Variants in SMARCA4 observed in about 807,000 individuals in gnomAD.
SMARCA4 encodes SWI/SNF related BAF chromatin remodeling complex subunit ATPase 4, also known as SWI/SNF-related matrix-associated actin-dependent regulator of chromatin subfamily A member 4.
A neutral mutation model predicts 193.9 loss-of-function variants in SMARCA4; 31 were observed. The observed-to-expected ratio is 0.16, with a 90% confidence interval of 0.12 to 0.22. SMARCA4 has a LOEUF of 0.22. Ranked by LOEUF, SMARCA4 falls within the 10% of genes least tolerant of loss-of-function variation. SMARCA4 has a pLI of 1.00. For missense variants in SMARCA4, 1,148 were observed against 2,296.0 expected (o/e 0.50, Z 10.22); for synonymous variants, 942 against 933.1 (o/e 1.01, Z -0.17).
At chr19:11,053,732 A>G (rs1258150523) in intron 30 of SMARCA4, among the ~76,000 whole-genome samples, 1 of 152,128 alleles carries the variant, frequency 6.6e-6, no homozygotes, top group Non-Finnish European at 1.5e-5. Context: ...CAACCTAGTG[A>G]GACCCCATCT....
intron 1 of SMARCA4, among the ~76,000 whole-genome samples, chr19:10,965,108 G>A (rs2084112418): frequency 6.6e-6 from 1 of 152,154 alleles, no homozygotes; most frequent in African/African-American, 2.4e-5. Flanking sequence ...TGTGAATAGT[G>A]CCCCCTGGAG....
rs2147095368 is a variant in SMARCA4 at position 11,058,750 on chromosome 19, G to A, written c.4534-38G>A. On this transcript the variant is annotated intron_variant, in intron 31 of 34. Transcript: ENST00000344626. The surrounding 1 kb of genome is among the most constrained non-coding windows in gnomAD (Gnocchi z 5.8). ...CCAGGCCTGCGGGCAGGCGAGGCGGGGTCCTGAGGTAAGACCTGCTCCTCC... is the reference window on the plus strand; with the variant it reads ...CCAGGCCTGCGGGCAGGCGAGGCGGAGTCCTGAGGTAAGACCTGCTCCTCC... 2 of 1,560,184 alleles carry A rather than the reference G, an allele frequency of 1.3e-6. No homozygotes were observed. The highest frequency in any genetic ancestry group is 3.3e-5 in the Admixed American group (2 of 59,922).
In SMARCA4 at chr19:10,986,170, G is replaced by A. The variant is rs2145769764; in HGVS notation, c.356-19G>A. 1.2e-6 allele frequency: 2 copies of A among 1,601,826 alleles called. No homozygotes were observed. Among genetic ancestry groups the A allele is most frequent in the Non-Finnish European group, 1.7e-6 (2 of 1,169,164 alleles). On this transcript the variant is annotated intron_variant, in intron 3 of 34. Transcript: ENST00000344626. This position sits in a 1 kb window ranked among gnomAD's most constrained non-coding sequence, Gnocchi z 6.7. Reference sequence around the variant, plus strand: ...GACATATGCTGCCGAGTGACCAGTGGGCTGACCTTTCTCTGCAGGTTACCC... The same window carrying A: ...GACATATGCTGCCGAGTGACCAGTGAGCTGACCTTTCTCTGCAGGTTACCC...
chr19:11,028,729 C>T (rs1411966886), intron 24 of SMARCA4, among the ~76,000 whole-genome samples: 1 of 152,228 alleles, frequency 6.6e-6, no homozygotes, highest in Admixed American at 6.5e-5. Context: ...CTGTGAGATG[C>T]CGACAGGGCA....
intron 30 of SMARCA4, among the ~76,000 whole-genome samples, chr19:11,049,917 C>T (rs377719452): frequency 1.2e-4 from 18 of 152,260 alleles, no homozygotes; most frequent in South Asian, 6.2e-4. Flanking sequence ...GCTTGGCCAA[C>T]GTGGCAAAAA....
chr19:11,020,015 C>A (rs919017816), intron 18 of SMARCA4, among the ~76,000 whole-genome samples: 1 of 152,230 alleles, frequency 6.6e-6, no homozygotes, highest in Non-Finnish European at 1.5e-5. Flanking sequence ...CCTACAGAGT[C>A]CCCATGGGGC....
rs1194950014 is a variant in SMARCA4 at position 11,021,504 on chromosome 19, G to T, written c.2617-221G>T. The T allele has an allele frequency of 1.0e-5, 7 of 683,834 alleles. No homozygotes were observed. The African/African-American group carries it at 1.2e-4, about 12-fold the overall frequency. 42.4% of individuals were successfully genotyped at this position (683,834 alleles called of 1,614,324 possible). ...ATTGTTCACCTGCCAATAGTCATGG[G>T]GTCACGGGCCTGTCTCTGCCCAAGG... On this transcript the variant is annotated intron_variant, in intron 18 of 34. Coordinates refer to ENST00000344626, the MANE Select transcript of SMARCA4 (RefSeq NM_003072.5).
intron 22 of SMARCA4, chr19:11,025,749 G>A: frequency 2.0e-6 from 1 of 511,590 alleles, no homozygotes; most frequent in South Asian, 1.9e-5. Context: ...GAGAGCAGGA[G>A]CGTTTGGAGA....
In SMARCA4 at chr19:10,999,512, G is replaced by T. The variant is rs931965447; in HGVS notation, c.1812+2968G>T. ...TCTTTATAAAAAATTTTAAAAATTA[G>T]TTGGGTGTAGTGGCATGCACCTGTG... On this transcript the variant is annotated intron_variant, in intron 11 of 34. Transcript: ENST00000344626. Among the ~76,000 whole-genome samples, 3 of 152,218 alleles carry T rather than the reference G, an allele frequency of 2.0e-5. No homozygotes were observed. The East Asian group carries it at 5.8e-4, about 29-fold the overall frequency.
chr19:10,980,011 C>T (rs1366769790), intron 1 of SMARCA4, among the ~76,000 whole-genome samples: 2 of 152,144 alleles, frequency 1.3e-5, no homozygotes, highest in East Asian at 3.9e-4. Flanking sequence ...TGGAGTCGCT[C>T]CACGGCTCTC....
At chr19:11,027,461 C>T (rs368638166) in intron 23 of SMARCA4, among the ~76,000 whole-genome samples, 12 of 152,180 alleles carry the variant, frequency 7.9e-5, no homozygotes, top group East Asian at 1.9e-4. Flanking sequence ...TCTGGCTTCC[C>T]GGAGCATCCC....
At chr19:10,970,945 TC>T (rs1226422568) in intron 1 of SMARCA4, among the ~76,000 whole-genome samples, 1 of 152,162 alleles carries the variant, frequency 6.6e-6, no homozygotes, top group African/African-American at 2.4e-5. Flanking sequence ...ACGCCTGTAA[TC>T]CCAGCATTTT....
chr19:11,041,841 C>T lies in SMARCA4; in HGVS notation c.4424+281C>T, dbSNP rs906514266. Among the ~76,000 whole-genome samples, 2 of 152,132 alleles carry T rather than the reference C, an allele frequency of 1.3e-5. No homozygotes were observed. The highest frequency in any genetic ancestry group is 1.3e-4 in the Admixed American group (2 of 15,268). ...GGAGAAGGGGACATTGCAGCAGAGCCTTGAGAGAGGGGAGGTTGGGGAGAG... is the reference window on the plus strand; with the variant it reads ...GGAGAAGGGGACATTGCAGCAGAGCTTTGAGAGAGGGGAGGTTGGGGAGAG... On this transcript the variant is annotated intron_variant, in intron 30 of 34. Transcript: ENST00000344626. The surrounding 1 kb of genome is among the most constrained non-coding windows in gnomAD (Gnocchi z 5.6).
chr19:11,003,561 A>G (rs542677088), intron 13 of SMARCA4, among the ~76,000 whole-genome samples, 164 bp downstream of exon 13: 2 of 152,266 alleles, frequency 1.3e-5, no homozygotes, highest in South Asian at 2.1e-4. Context: ...GTCCTATCCA[A>G]TAGGGCAGCT....
rs572566700 is a variant in SMARCA4 at position 10,982,568 on chromosome 19, C to T, written c.-31-1553C>T. On this transcript the variant is annotated intron_variant, in intron 1 of 34. Transcript: ENST00000344626. ...AGGCTGGAGTGCGGTGGCACGATCT[C>T]GGCTCACTGCAAGCGCCGCCTCCTG... is the stretch of plus-strand genomic sequence containing the variant. Among the ~76,000 whole-genome samples the T allele has an allele frequency of 3.9e-3, 589 of 151,306 alleles. 4 individuals are homozygous for T. The highest frequency in any genetic ancestry group is 0.013 in the African/African-American group (538 of 41,266).
chr19:10,971,728 A>C (rs896298992), intron 1 of SMARCA4, among the ~76,000 whole-genome samples: 1 of 151,362 alleles, frequency 6.6e-6, no homozygotes, highest in Non-Finnish European at 1.5e-5. Context: ...TCAACCTCCC[A>C]AAGTGCTGGA....
intron 16 of SMARCA4, among the ~76,000 whole-genome samples, chr19:11,016,412 A>G (rs571206416): frequency 1.3e-5 from 2 of 152,324 alleles, no homozygotes; most frequent in African/African-American, 2.4e-5. Flanking sequence ...GTCTTGCCTG[A>G]AAAAATAATT....
intron 6 of SMARCA4, 138 bp from the exon 7 acceptor site, chr19:10,989,179 C>G (rs2086330740): frequency 9.1e-6 from 10 of 1,097,248 alleles, no homozygotes; most frequent in Non-Finnish European, 1.1e-5. Context: ...GCCCTGCGGC[C>G]AGCATCCTCT....
chr19:10,987,380 TAGG>T lies in SMARCA4; in HGVS notation c.860-280_860-278del, dbSNP rs2086149526. ...TGCTTCCACTGGATTTAGTTGGCAC[TAGG>T]AGGAGATGACAGGAAATGCTGCCAT... On this transcript the variant is annotated intron_variant, in intron 5 of 34. Transcript: ENST00000344626. This position sits in a 1 kb window ranked among gnomAD's most constrained non-coding sequence, Gnocchi z 5.3. Among the ~76,000 whole-genome samples, 1 of 152,098 alleles carries T rather than the reference TAGG, an allele frequency of 6.6e-6. No homozygotes were observed. The highest frequency in any genetic ancestry group is 2.1e-4 in the South Asian group (1 of 4,824).
Sources: allele counts gnomAD v4.1 joint callset (sites outside exome capture counted in the v4.1 genomes callset), GRCh38; gene constraint gnomAD v4.1.1; non-coding constraint Gnocchi (gnomAD v3.1); transcripts MANE v1.5; gene names NCBI Gene and HGNC (gene_info 2026-07-23, HGNC 2026-07-21).